The following MON2 variants were observed in gnomAD, a reference collection of about 807,000 sequenced individuals.
MON2 encodes the protein MON2 regulator of endosome-to-Golgi trafficking.
MON2 carries 84 observed loss-of-function variants against 208.6 expected under a neutral mutation model. The ratio of observed to expected loss-of-function variants is 0.40; its 90% confidence interval spans 0.34 to 0.48. The LOEUF is 0.48. Among genes scored for constraint, MON2 ranks in the 20% least tolerant of loss-of-function variants. The pLI is 0.59. For missense variants in MON2, 1,611 were observed against 2,015.4 expected (o/e 0.80, Z 3.84); for synonymous variants, 660 against 694.0 (o/e 0.95, Z 0.77).
chr12:62,492,200 G>A (rs1250813490), intron 2 of MON2, among the ~76,000 whole-genome samples: 1 of 152,142 alleles, frequency 6.6e-6, no homozygotes, highest in African/African-American at 2.4e-5. Flanking sequence ...GAAGAAGAAG[G>A]TGAGGATTTA....
rs766414676 is a variant in MON2, at chr12:62,553,023, G to A, written c.3059G>A (p.Cys1020Tyr). The A allele has an allele frequency of 6.2e-7, 1 of 1,614,168 alleles. No homozygotes were observed. The highest frequency in any genetic ancestry group is 8.5e-7 in the Non-Finnish European group (1 of 1,180,026). The change falls in exon 24 of 35, where the codon TGC becomes TAC. Residue 1020 changes from cysteine (C) to tyrosine (Y), a missense_variant. By Grantham distance (194) the Cys-to-Tyr change is radical (BLOSUM62 -2). Coordinates refer to ENST00000393630, the MANE Select transcript of MON2 (RefSeq NM_015026.3). Reference sequence around the variant, plus strand: ...TTCCACCCTGCACCGCCATTTGATTGCTTGTGGTTATGTCTTTATGCAAAA... The same window carrying A: ...TTCCACCCTGCACCGCCATTTGATTACTTGTGGTTATGTCTTTATGCAAAA... ...RPFHPAPPFD[C>Y]LWLCLYAKLG...
At chr12:62,549,456 C>CAA (rs5798647) in intron 22 of MON2, among the ~76,000 whole-genome samples, 20 of 98,522 alleles carry the variant, frequency 2.0e-4, no homozygotes, top group African/African-American at 3.6e-4. Context: ...CCTGTCTCCA[C>CAA]AAAAAAAAAA....
chr12:62,485,799 G>T (rs1265957168), intron 2 of MON2, among the ~76,000 whole-genome samples: 1 of 152,108 alleles, frequency 6.6e-6, no homozygotes, highest in East Asian at 1.9e-4. Flanking sequence ...TGCCTCCTGG[G>T]TTCAAGCGAT....
chr12:62,499,844 G>T (rs2070737104), intron 5 of MON2, among the ~76,000 whole-genome samples: 1 of 151,766 alleles, frequency 6.6e-6, no homozygotes, highest in African/African-American at 2.4e-5. Flanking sequence ...CTGCACTCCA[G>T]CCTGGGTGAC....
intron 23 of MON2, 128 bp from the exon 24 acceptor site, chr12:62,552,753 A>C: frequency 1.5e-6 from 1 of 663,978 alleles, no homozygotes; most frequent in East Asian, 2.8e-5. Flanking sequence ...CTATTCTACT[A>C]GGAAAGAGAT....
chr12:62,529,031 C>T (rs1195437728), intron 11 of MON2, among the ~76,000 whole-genome samples: 1 of 152,154 alleles, frequency 6.6e-6, no homozygotes, highest in African/African-American at 2.4e-5. Flanking sequence ...AAGTACACCC[C>T]AGTGTCTGGT....
chr12:62,477,816 TTC>T (rs2069179028), intron 1 of MON2, among the ~76,000 whole-genome samples: 1 of 152,186 alleles, frequency 6.6e-6, no homozygotes, highest in African/African-American at 2.4e-5. Context: ...AAGAAAAGTT[TTC>T]TCTTTCTTTC....
chr12:62,470,646 CTTTATG>C (rs1326664394), intron 1 of MON2: 1 of 819,566 alleles, frequency 1.2e-6, no homozygotes. Context: ...AACTCTGAAG[CTTTATG>C]TTTATGTATT....
intron 8 of MON2, among the ~76,000 whole-genome samples, chr12:62,517,397 T>A (rs534590411): frequency 1.1e-4 from 17 of 152,292 alleles, no homozygotes; most frequent in East Asian, 3.9e-4. Context: ...ATCTTTTTTT[T>A]AAAATAAAAT....
intron 11 of MON2, 122 bp from the exon 12 acceptor site, chr12:62,532,316 C>A: frequency 9.8e-6 from 7 of 715,656 alleles, no homozygotes; most frequent in Non-Finnish European, 1.6e-5. Context: ...TTGGTAATGT[C>A]CCTTTATTTT....
intron 30 of MON2, among the ~76,000 whole-genome samples, chr12:62,576,180 T>C (rs991646007): frequency 1.3e-5 from 2 of 152,114 alleles, no homozygotes; most frequent in Non-Finnish European, 2.9e-5. Flanking sequence ...TGGATGAACA[T>C]TTACAACATA....
In MON2 at chr12:62,595,860, CTT is replaced by C. The variant is rs1302492851; in HGVS notation, c.*3112_*3113del. The C allele has an allele frequency of 2.0e-4, 31 of 152,148 alleles. No individual in the cohort carries two copies. Among genetic ancestry groups the C allele is most frequent in the Admixed American group, 2.0e-3 (31 of 15,268 alleles). The allele number at this position is 152,148 out of a possible 1,614,324, so 9.4% of individuals were successfully genotyped here. A position where few individuals can be genotyped will look rare whatever the true frequency, so the allele number is the denominator to read the frequency against. On this transcript the variant is annotated 3_prime_UTR_variant, in exon 35 of 35. Transcript: ENST00000393630. Reference sequence around the variant, plus strand: ...TATTCACTTAACAGCTAACATCTTTCTTGTTTCTTGTTTTTTCCATTATATGG... The same window carrying C: ...TATTCACTTAACAGCTAACATCTTTCGTTTCTTGTTTTTTCCATTATATGG...
chr12:62,565,811 G>A (rs2136374666), intron 27 of MON2: 2 of 527,990 alleles, frequency 3.8e-6, no homozygotes, highest in Non-Finnish European at 6.7e-6. Flanking sequence ...CTGGTGTGAA[G>A]TTTAGTTGGA....
rs1248248213 is a variant in MON2, at chr12:62,501,672, A to G, written c.763A>G (p.Asn255Asp). 1.2e-6 allele frequency: 2 copies of G among 1,614,048 alleles called. No individual in the cohort carries two copies. Among genetic ancestry groups the G allele is most frequent in the Non-Finnish European group, 1.7e-6 (2 of 1,180,000 alleles). Residue 255 changes from asparagine to aspartate, a missense_variant, in exon 7 of 35, where the codon AAT (asparagine) becomes GAT (aspartate). Coordinates refer to ENST00000393630, the MANE Select transcript of MON2 (RefSeq NM_015026.3). The stretch of plus-strand genomic sequence containing the variant: ...CCTCGAATTACTTGAGTCAGTCCTC[A>G]ATGATTTTCCGCAGGTCTTTTTACA... ...FGLELLESVL[N>D]DFPQVFLQHQ...
At chr12:62,527,774 AG>A (rs764710108) in intron 11 of MON2, among the ~76,000 whole-genome samples, 46 of 152,002 alleles carry the variant, frequency 3.0e-4, no homozygotes, top group Non-Finnish European at 5.4e-4. Context: ...GGGGACAGAA[AG>A]GGTCTCCCTG....
chr12:62,480,236 AT>A (rs1280231568), intron 1 of MON2, among the ~76,000 whole-genome samples: 3 of 152,230 alleles, frequency 2.0e-5, no homozygotes, highest in South Asian at 2.1e-4. Flanking sequence ...CTGGTTACGT[AT>A]CTTTTAAAAT....
chr12:62,526,060 C>G lies in MON2; in HGVS notation c.1358C>G (p.Pro453Arg). The change falls in exon 11 of 35, where the codon CCT becomes CGT. Residue 453 changes from proline (P) to arginine (R), a missense_variant. By Grantham distance (103) the Pro-to-Arg change is moderately radical. Transcript: ENST00000393630. ...TTTGAATATAGGGGAACCTGGATAC[C>G]TATTCTGACAATCACAGTTCAAGGC... Reference protein sequence around the residue: ...PAFEYRGTWIPILTITVQGSA... With the variant: ...PAFEYRGTWIRILTITVQGSA... 6.2e-7 allele frequency: 1 copy of G among 1,613,816 alleles called. No individual in the cohort carries two copies. Among genetic ancestry groups the G allele is most frequent in the Non-Finnish European group, 8.5e-7 (1 of 1,179,834 alleles).
chr12:62,547,968 A>T (rs530137729), intron 22 of MON2, among the ~76,000 whole-genome samples: 22 of 152,316 alleles, frequency 1.4e-4, no homozygotes, highest in Admixed American at 3.3e-4. Flanking sequence ...TCATATCCTC[A>T]TCAGTAAGCA....
chr12:62,534,547 A>ATATATATATATATTT (rs1463265688), intron 12 of MON2, among the ~76,000 whole-genome samples: 8 of 37,442 alleles, frequency 2.1e-4, no homozygotes, highest in South Asian at 8.1e-4. Flanking sequence ...AAAAAAATAT[A>ATATATATATATATTT]TATATATATA....
Sources: allele counts gnomAD v4.1 joint callset (sites outside exome capture counted in the v4.1 genomes callset), GRCh38; gene constraint gnomAD v4.1.1; transcripts MANE v1.5; gene names NCBI Gene and HGNC (gene_info 2026-07-23, HGNC 2026-07-21).